EDNRA: variants seen among roughly 807,000 people sequenced by gnomAD.
EDNRA encodes endothelin receptor type A, also known as endothelin-1 receptor.
A neutral mutation model predicts 41.4 loss-of-function variants in EDNRA; 11 were observed. The ratio of observed to expected loss-of-function variants is 0.27; its 90% CI spans 0.17 to 0.44. The LOEUF (loss-of-function observed/expected upper bound fraction) is 0.44, where lower values mean the gene tolerates loss of function less well. Ranked by LOEUF, EDNRA falls within the 20% of genes least tolerant of loss-of-function variation. The pLI, the probability that EDNRA is intolerant of heterozygous loss-of-function variation, is 1.00. For synonymous variants in EDNRA, 172 were observed against 183.0 expected (o/e 0.94, Z 0.49); for missense variants, 294 against 531.0 (o/e 0.55, Z 4.39).
chr4:147,533,574 C>T (rs1578813545), intron 4 of EDNRA, among the ~76,000 whole-genome samples: 1 of 152,158 alleles, frequency 6.6e-6, no homozygotes, highest in East Asian at 1.9e-4. Context: ...TTACAGTTGA[C>T]CAGTTATCCT....
At position 147,504,686 on chromosome 4, in the gene EDNRA, GT is replaced by G. The variant is rs755266540; in HGVS notation, c.421-15163del. 4.6e-5 allele frequency among the ~76,000 whole-genome samples: 7 copies of G among 152,146 alleles called. No homozygotes were observed. In the East Asian group the frequency reaches 1.2e-3, roughly 25 times the overall value. On this transcript the variant is annotated intron_variant, in intron 2 of 7. Coordinates refer to ENST00000651419, the MANE Select transcript of EDNRA (RefSeq NM_001957.4). ...GAAAAGACAACAGCCGGGTGCGGTG[GT>G]TCACGCCTGTAATCCCAGCACTTTG...
Position 147,542,569 on chromosome 4 carries a change from A to C in EDNRA, c.1235A>C (p.Gln412Pro). The C allele has an allele frequency of 2.5e-6, 4 of 1,614,184 alleles. No individual in the cohort carries two copies. The highest frequency in any genetic ancestry group is 2.5e-6 in the Non-Finnish European group (3 of 1,180,016). ...GTSIQWKNHD[Q>P]NNHNTDRSSH... ...AGCATCCAGTGGAAGAACCACGATC[A>C]AAACAACCACAACACAGACCGGAGC... Residue 412 changes from glutamine to proline, a missense_variant, in exon 8 of 8, where the codon CAA becomes CCA. Around this residue, in one of 3 missense-constraint regions of EDNRA, gnomAD observed 185 missense variants for 390.8 expected, o/e 0.47. Coordinates refer to ENST00000651419, the MANE Select transcript of EDNRA (RefSeq NM_001957.4).
intron 3 of EDNRA, 38 bp downstream of exon 3, chr4:147,520,016 T>G: frequency 6.4e-7 from 1 of 1,571,068 alleles, no homozygotes; most frequent in Non-Finnish European, 8.6e-7. Flanking sequence ...TGGCTGGGCT[T>G]AGAAAAGCAT....
chr4:147,529,507 C>T lies in EDNRA; in HGVS notation c.549-2999C>T, dbSNP rs74343240. On this transcript the variant is annotated intron_variant, in intron 3 of 7. Transcript: ENST00000651419. ...AATTTGTGGAGAAAGCGGGGTCCAG[C>T]CAGGTAAATGAGAAGGAATGGCCAG... Among the ~76,000 whole-genome samples the T allele has an allele frequency of 1.7e-3, 256 of 152,124 alleles. 2 individuals are homozygous for T. The highest frequency in any genetic ancestry group is 5.9e-3 in the African/African-American group (245 of 41,504).
chr4:147,537,991 A>G (rs1309417392), intron 5 of EDNRA, among the ~76,000 whole-genome samples: 1 of 152,074 alleles, frequency 6.6e-6, no homozygotes, highest in East Asian at 1.9e-4. Context: ...GGTTGTCTCT[A>G]ATTTCTCCTC....
chr4:147,491,532 T>C (rs1729136377), intron 2 of EDNRA: 1 of 152,180 alleles, frequency 6.6e-6, no homozygotes, highest in Non-Finnish European at 1.5e-5. Flanking sequence ...TCAAATCAGA[T>C]TAATCTGAGA....
rs1056024583 is a variant in EDNRA, at chr4:147,539,708, C to G, written c.901-109C>G. On this transcript the variant is annotated intron_variant, in intron 5 of 7. Transcript: ENST00000651419. Reference sequence around the variant, plus strand: ...AAGCCAGGCTGTTCTCCTGGCTCTTCTTTGAATTATTCTTTCTCTGGTGTC... The same window carrying G: ...AAGCCAGGCTGTTCTCCTGGCTCTTGTTTGAATTATTCTTTCTCTGGTGTC... 11 of 1,309,106 alleles carry G rather than the reference C, an allele frequency of 8.4e-6. 2 individuals carry two copies. In the South Asian group the frequency reaches 1.5e-4, roughly 18 times the overall value. 81.1% of individuals were successfully genotyped at this position (1,309,106 alleles called of 1,614,324 possible).
intron 2 of EDNRA, among the ~76,000 whole-genome samples, chr4:147,512,665 G>C (rs997882996): frequency 5.9e-5 from 9 of 152,200 alleles, no homozygotes; most frequent in Non-Finnish European, 1.3e-4. Context: ...TTTATCTGCA[G>C]TTTTCCATGA....
At chr4:147,540,106 C>T (rs955069041) in intron 6 of EDNRA, among the ~76,000 whole-genome samples, 156 bp downstream of exon 6, 1 of 152,146 alleles carries the variant, frequency 6.6e-6, no homozygotes, top group Non-Finnish European at 1.5e-5. Context: ...TATAACTGAT[C>T]CCAAAATGTG....
rs1729098194 is a variant in EDNRA, at chr4:147,490,319, G to GA, written c.420+4224dup. On this transcript the variant is annotated intron_variant, in intron 2 of 7. Coordinates refer to ENST00000651419, the MANE Select transcript of EDNRA (RefSeq NM_001957.4). The stretch of plus-strand genomic sequence containing the variant: ...TGGCCTTGCAAATGCTAATGTTGAA[G>GA]AAAAAACTATTTCTAAGATTATCAA... 4 of 152,096 alleles carry GA rather than the reference G, an allele frequency of 2.6e-5. No homozygotes were observed. The South Asian group carries it at 6.2e-4, about 24-fold the overall frequency. 9.4% of individuals were successfully genotyped at this position (152,096 alleles called of 1,614,324 possible).
At chr4:147,496,946 G>A (rs1307207385) in intron 2 of EDNRA, among the ~76,000 whole-genome samples, 1 of 151,962 alleles carries the variant, frequency 6.6e-6, no homozygotes, top group African/African-American at 2.4e-5. Context: ...TAAGTATATA[G>A]ATATAAAAAC....
chr4:147,511,357 C>T (rs1162320831), intron 2 of EDNRA, among the ~76,000 whole-genome samples: 1 of 152,112 alleles, frequency 6.6e-6, no homozygotes, highest in Non-Finnish European at 1.5e-5. Context: ...TATTCAAAAT[C>T]ACCTCAATCT....
At chr4:147,505,128 A>G (rs1057431345) in intron 2 of EDNRA, among the ~76,000 whole-genome samples, 2 of 151,432 alleles carry the variant, frequency 1.3e-5, no homozygotes, top group African/African-American at 4.9e-5. Flanking sequence ...GATGTTCAAT[A>G]TCATTAGCCA....
intron 2 of EDNRA, among the ~76,000 whole-genome samples, chr4:147,518,236 T>C (rs1236638405): frequency 1.3e-5 from 2 of 152,358 alleles, no homozygotes; most frequent in South Asian, 2.1e-4. Flanking sequence ...AATAGTGTTT[T>C]ATGTCTTTAC....
intron 2 of EDNRA, among the ~76,000 whole-genome samples, chr4:147,498,993 A>G (rs2126404052): frequency 6.6e-6 from 1 of 152,332 alleles, no homozygotes; most frequent in Admixed American, 6.5e-5. Context: ...AATATGTTTT[A>G]TTTTTTAAAA....
chr4:147,501,637 A>G (rs1048104746), intron 2 of EDNRA, among the ~76,000 whole-genome samples: 1 of 152,232 alleles, frequency 6.6e-6, no homozygotes, highest in Non-Finnish European at 1.5e-5. Flanking sequence ...TTATTATACA[A>G]TGTTCTGTAC....
intron 2 of EDNRA, chr4:147,490,796 T>C (rs1184846276): frequency 6.6e-6 from 1 of 152,232 alleles, no homozygotes; most frequent in East Asian, 1.9e-4. Context: ...GTGATATTTG[T>C]GCATGAGCCA....
chr4:147,502,210 A>G (rs1729540465), intron 2 of EDNRA, among the ~76,000 whole-genome samples: 1 of 152,196 alleles, frequency 6.6e-6, no homozygotes, highest in Non-Finnish European at 1.5e-5. Flanking sequence ...GCAAAAGTAT[A>G]CATTTTTACC....
At chr4:147,542,370 C>T (rs1731134407) in intron 7 of EDNRA, 108 bp from the exon 8 acceptor site, 1 of 1,485,330 alleles carries the variant, frequency 6.7e-7, no homozygotes, top group South Asian at 1.3e-5. Flanking sequence ...TCACTTCCCT[C>T]GAATGCGAAT....
Sources: allele counts gnomAD v4.1 joint callset (sites outside exome capture counted in the v4.1 genomes callset), GRCh38; gene constraint gnomAD v4.1.1; regional missense constraint gnomAD v4.1.1; transcripts MANE v1.5; gene names NCBI Gene and HGNC (gene_info 2026-07-23, HGNC 2026-07-21).